ABCC1: variants seen among roughly 807,000 people sequenced by gnomAD.
ABCC1 encodes the protein multidrug resistance-associated protein 1.
In ABCC1, 83 loss-of-function variants were observed where a neutral mutation model predicts 172.9. That is an observed-to-expected ratio of 0.48 (90% CI 0.40 to 0.58). The LOEUF is 0.58. ABCC1 is among the 20% of genes least tolerant of loss of function. The pLI is 0.00. For synonymous variants in ABCC1, 937 were observed against 825.2 expected, an observed-to-expected ratio of 1.14 and a Z score of -2.32; for missense variants, 1,817 against 2,002.7, an observed-to-expected ratio of 0.91 and a Z score of 1.77.
intron 20 of ABCC1, 39 bp from the exon 21 acceptor site, chr16:16,106,699 C>A: frequency 6.2e-7 from 1 of 1,613,206 alleles, no homozygotes; most frequent in Non-Finnish European, 8.5e-7. Flanking sequence ...CTGCCCAAGG[C>A]ATCTGTACGG....
chr16:16,122,854 A>T (rs1029022264), intron 24 of ABCC1, among the ~76,000 whole-genome samples: 1 of 152,140 alleles, frequency 6.6e-6, no homozygotes, highest in Non-Finnish European at 1.5e-5. Context: ...ACTGCACTCC[A>T]GCCTGGGTGA....
intron 26 of ABCC1, among the ~76,000 whole-genome samples, chr16:16,130,152 G>A (rs2045616718): frequency 6.6e-6 from 1 of 152,144 alleles, no homozygotes; most frequent in Non-Finnish European, 1.5e-5. Flanking sequence ...TGTAAACTGG[G>A]GATAATGAAA....
chr16:16,135,091 AGACACC>A (rs998866901), intron 28 of ABCC1, among the ~76,000 whole-genome samples: 2 of 152,226 alleles, frequency 1.3e-5, no homozygotes, highest in Non-Finnish European at 2.9e-5. Context: ...AAATCCAAAA[AGACACC>A]GTCTTCTCTC....
intron 12 of ABCC1, among the ~76,000 whole-genome samples, chr16:16,065,594 G>A (rs1425230109): frequency 2.0e-5 from 3 of 151,984 alleles, no homozygotes; most frequent in Non-Finnish European, 4.4e-5. Flanking sequence ...CACCACACCC[G>A]GCTAATTTTT....
chr16:16,030,942 A>G (rs1432131122), intron 5 of ABCC1, among the ~76,000 whole-genome samples: 3 of 152,094 alleles, frequency 2.0e-5, no homozygotes, highest in Non-Finnish European at 4.4e-5. Context: ...CCTCCGCCTC[A>G]TGGATTCAAG....
rs115511725 is a variant in ABCC1 at position 15,968,928 on chromosome 16, C to T, written c.48+19129C>T. ...TTTTTTTTGTATTGAAAACAGTCAG[C>T]CAGGTGTGGTGGCTCACACCTGTAA... On this transcript the variant is annotated intron_variant, in intron 1 of 30. Coordinates refer to ENST00000399410, the MANE Select transcript of ABCC1 (RefSeq NM_004996.4). 2.9e-3 allele frequency among the ~76,000 whole-genome samples: 441 copies of T among 151,502 alleles called. 2 individuals are homozygous for T. The highest frequency in any genetic ancestry group is 8.4e-3 in the African/African-American group (348 of 41,196).
intron 1 of ABCC1, among the ~76,000 whole-genome samples, chr16:15,981,430 G>A (rs1481303961): frequency 2.0e-5 from 3 of 152,196 alleles, no homozygotes; most frequent in Non-Finnish European, 2.9e-5. Flanking sequence ...TGAAATCTAG[G>A]TGGAGGTTCC....
intron 20 of ABCC1, among the ~76,000 whole-genome samples, chr16:16,103,851 C>CT (rs2051908635): frequency 6.6e-6 from 1 of 152,168 alleles, no homozygotes; most frequent in East Asian, 1.9e-4. Flanking sequence ...GTCTCACTGA[C>CT]TTCAAGAATG....
At chr16:16,025,785 C>T (rs2048348599) in intron 5 of ABCC1, among the ~76,000 whole-genome samples, 1 of 152,210 alleles carries the variant, frequency 6.6e-6, no homozygotes, top group Non-Finnish European at 1.5e-5. Context: ...GAACACATCA[C>T]TCTGTTTGGA....
In ABCC1 at chr16:16,044,507, CAAGGTGGATGCGAATGAG is replaced by C; in HGVS notation, c.868_885del (p.Lys290_Glu295del). ...ATCCTGCCCAGCCGAAAGAGAGTTC[CAAGGTGGATGCGAATGAG>C]GAGGTGGAGGCTTTGATCGTCAAGT... On this transcript the variant is annotated inframe_deletion, in exon 8 of 31. Transcript: ENST00000399410. 5 of 1,614,180 alleles carry C rather than the reference CAAGGTGGATGCGAATGAG, an allele frequency of 3.1e-6. No homozygotes were observed. Among genetic ancestry groups the C allele is most frequent in the Non-Finnish European group, 4.2e-6 (5 of 1,180,034 alleles).
chr16:16,066,308 A>G (rs758071465), intron 12 of ABCC1, among the ~76,000 whole-genome samples: 4 of 151,790 alleles, frequency 2.6e-5, no homozygotes, highest in Admixed American at 1.3e-4. Context: ...CAGCCTACTG[A>G]GTAGCTGGGA....
intron 19 of ABCC1, among the ~76,000 whole-genome samples, chr16:16,100,581 T>C (rs1371934676): frequency 1.3e-5 from 2 of 152,242 alleles, no homozygotes; most frequent in African/African-American, 4.8e-5. Context: ...TTTAAGTTAG[T>C]GTTTAGTTAG....
chr16:16,069,739 A>G (rs986966813), intron 13 of ABCC1, among the ~76,000 whole-genome samples: 14 of 152,048 alleles, frequency 9.2e-5, no homozygotes, highest in African/African-American at 2.7e-4. Context: ...AAAAGAAAAA[A>G]AAAGCCAAGC....
chr16:16,044,686 AC>A lies in ABCC1; in HGVS notation c.1040+10del, dbSNP rs545406691. 2.5e-6 allele frequency: 4 copies of A among 1,611,652 alleles called. No homozygotes were observed. ...TCCGGGCCGCAGATCTTAAAGTAAGACCCCTTCCCTCCCAGGTGGGCTCCAT... is the reference window on the plus strand; with the variant it reads ...TCCGGGCCGCAGATCTTAAAGTAAGACCCTTCCCTCCCAGGTGGGCTCCAT... On this transcript the variant is annotated splice_region_variant and intron_variant, in intron 8 of 30. Coordinates refer to ENST00000399410, the MANE Select transcript of ABCC1 (RefSeq NM_004996.4).
chr16:15,973,561 G>A (rs1034483134), intron 1 of ABCC1, among the ~76,000 whole-genome samples: 2 of 152,158 alleles, frequency 1.3e-5, no homozygotes, highest in African/African-American at 4.8e-5. Flanking sequence ...GCTGCAATAT[G>A]TCCATCGTGA....
chr16:16,133,281 C>A (rs1399098391), intron 27 of ABCC1, among the ~76,000 whole-genome samples: 1 of 152,208 alleles, frequency 6.6e-6, no homozygotes, highest in Admixed American at 6.5e-5. Context: ...TTCCTACGTA[C>A]CTCCCACAAA....
intron 26 of ABCC1, 151 bp downstream of exon 26, chr16:16,126,062 C>A: frequency 1.8e-6 from 1 of 547,026 alleles, no homozygotes; most frequent in Non-Finnish European, 3.2e-6. Context: ...CTTTTTGCAG[C>A]ACTTATTTAG....
At chr16:15,960,733 G>A (rs986369617) in intron 1 of ABCC1, among the ~76,000 whole-genome samples, 2 of 152,160 alleles carry the variant, frequency 1.3e-5, no homozygotes, top group Non-Finnish European at 2.9e-5. Context: ...GGGAGTCCCA[G>A]AGTGGGAAGA....
At chr16:16,017,726 AAT>A (rs1383464463) in intron 5 of ABCC1, among the ~76,000 whole-genome samples, 1 of 151,994 alleles carries the variant, frequency 6.6e-6, no homozygotes, top group East Asian at 1.9e-4. Flanking sequence ...TATTTTTTTA[AAT>A]AGAGATGGGA....
Sources: allele counts gnomAD v4.1 joint callset (sites outside exome capture counted in the v4.1 genomes callset), GRCh38; gene constraint gnomAD v4.1.1; transcripts MANE v1.5; gene names NCBI Gene and HGNC (gene_info 2026-07-23, HGNC 2026-07-21).